Variants in MAMDC4 observed in about 807,000 individuals in gnomAD.
The protein encoded by MAMDC4 is MAM domain containing 4.
In MAMDC4, 168 loss-of-function variants were observed where a neutral mutation model predicts 153.3. That is an observed-to-expected ratio of 1.10 (90% CI 0.97 to 1.25). The LOEUF is 1.25. Among genes scored for constraint, MAMDC4 ranks in the 50% most tolerant of loss-of-function variants. The probability of loss-of-function intolerance (pLI) is 0.00; values close to 1 mark genes in which losing one functional copy is unlikely to be tolerated. For synonymous variants in MAMDC4, 744 were observed against 651.5 expected (o/e 1.14, Z -2.16); for missense variants, 1,701 against 1,542.8 (o/e 1.10, Z -1.72).
chr9:136,860,298 T>C (rs1849068922), intron 26 of MAMDC4, among the ~76,000 whole-genome samples: 2 of 152,136 alleles, frequency 1.3e-5, no homozygotes, highest in African/African-American at 2.4e-5. Context: ...GGTGGGCGGA[T>C]CACCTGAGGT....
chr9:136,857,997 T>C lies in MAMDC4; in HGVS notation c.2483T>C (p.Leu828Pro). The change falls in exon 20 of 27, where the codon CTG becomes CCG. Residue 828 changes from leucine to proline, a missense_variant. Physicochemically the swap from Leu to Pro is moderately conservative, Grantham distance 98. Coordinates refer to ENST00000317446, the MANE Select transcript of MAMDC4 (RefSeq NM_206920.3). ...LRSPGTLRVY[L>P]EERGRHQVLS... The stretch of plus-strand genomic sequence containing the variant: ...CTGGCAGGCACCCTGCGGGTCTACC[T>C]GGAGGAGCGCGGGAGGCACCAGGTG... The C allele has an allele frequency of 6.6e-7, 1 of 1,521,460 alleles. No homozygotes were observed. Among genetic ancestry groups the C allele is most frequent in the Non-Finnish European group, 8.8e-7 (1 of 1,138,554 alleles). 94.2% of individuals were successfully genotyped at this position (1,521,460 alleles called of 1,614,324 possible). A position where few individuals can be genotyped will look rare whatever the true frequency, so the allele number is the denominator to read the frequency against.
In MAMDC4 at chr9:136,856,741, CAGCTGG is replaced by C; in HGVS notation, c.1753_1758del (p.Ser585_Trp586del). 6.2e-7 allele frequency: 1 copy of C among 1,612,640 alleles called. No individual in the cohort carries two copies. Among genetic ancestry groups the C allele is most frequent in the Non-Finnish European group, 8.5e-7 (1 of 1,179,848 alleles). On this transcript the variant is annotated inframe_deletion, in exon 15 of 27. Coordinates refer to ENST00000317446, the MANE Select transcript of MAMDC4 (RefSeq NM_206920.3). ...CCTGTAACTTTGAGCGGGACACATG[CAGCTGG>C]TACCCAGGCCACCTCTCAGACACAC...
chr9:136,858,625 C>T, intron 22 of MAMDC4, 79 bp downstream of exon 22: 2 of 1,592,756 alleles, frequency 1.3e-6, no homozygotes, highest in South Asian at 1.1e-5. Flanking sequence ...AGTACATGCC[C>T]CATCCAGAGG....
Position 136,853,937 on chromosome 9 carries a change from G to T in MAMDC4, c.585+30G>T, listed in dbSNP as rs147136765. ...GCTGGGAGGGTCTGGACGAGTGGGG[G>T]CCTTGAGGAGGGGTCTGGGCCCTGA... On this transcript the variant is annotated intron_variant, in intron 5 of 26. Coordinates refer to ENST00000317446, the MANE Select transcript of MAMDC4 (RefSeq NM_206920.3). The T allele has an allele frequency of 1.2e-3, 1,958 of 1,612,750 alleles. 14 individuals carry two copies. The African/African-American group carries it at 0.023, about 19-fold the overall frequency.
At position 136,853,084 on chromosome 9, in the gene MAMDC4, C is replaced by T; in HGVS notation, c.47-18C>T. The T allele has an allele frequency of 6.2e-7, 1 of 1,609,172 alleles. No homozygotes were observed. Among genetic ancestry groups the T allele is most frequent in the Non-Finnish European group, 8.5e-7 (1 of 1,177,656 alleles). On this transcript the variant is annotated intron_variant, in intron 1 of 26. Coordinates refer to ENST00000317446, the MANE Select transcript of MAMDC4 (RefSeq NM_206920.3). ...GTCACCCTGCCCCCAGGCCACCTGG[C>T]TGTCAACCTCCCAGCAGCAGGGTCC... is the stretch of plus-strand genomic sequence containing the variant.
rs766730198 is a variant in MAMDC4 at position 136,853,963 on chromosome 9, C to T, written c.586-29C>T. The T allele has an allele frequency of 1.9e-6, 3 of 1,612,832 alleles. No homozygotes were observed. In the African/African-American group the frequency reaches 4.0e-5, roughly 22 times the overall value. On this transcript the variant is annotated intron_variant, in intron 5 of 26. Coordinates refer to ENST00000317446, the MANE Select transcript of MAMDC4 (RefSeq NM_206920.3). ...CCTTGAGGAGGGGTCTGGGCCCTGACTTAGGTCCTAAGAGCCTGTTCTCTT... is the reference window on the plus strand; with the variant it reads ...CCTTGAGGAGGGGTCTGGGCCCTGATTTAGGTCCTAAGAGCCTGTTCTCTT...
At chr9:136,860,203 T>C in intron 26 of MAMDC4, 139 bp downstream of exon 26, 1 of 1,032,748 alleles carries the variant, frequency 9.7e-7, no homozygotes, top group Non-Finnish European at 1.4e-6. Context: ...CTGCCCTGCC[T>C]CTCCCAGCCA....
chr9:136,857,412 C>G lies in MAMDC4; in HGVS notation c.2152C>G (p.Leu718Val), dbSNP rs1233695906. Residue 718 changes from leucine (L) to valine (V), a missense_variant, in exon 18 of 27, where the codon CTG becomes GTG. By Grantham distance (32) the Leu-to-Val change is conservative (BLOSUM62 1). Coordinates refer to ENST00000317446, the MANE Select transcript of MAMDC4 (RefSeq NM_206920.3). ...GGACGGATACCACGGCACCATGGCG[C>G]TGGACGATGTGGCCGTGCGGCCGGG... ...LRDGYHGTMALDDVAVRPGPC... is the reference protein window; with the variant it reads ...LRDGYHGTMAVDDVAVRPGPC... 6.2e-7 allele frequency: 1 copy of G among 1,608,298 alleles called. No individual in the cohort carries two copies. The highest frequency in any genetic ancestry group is 8.5e-7 in the Non-Finnish European group (1 of 1,179,918).
chr9:136,858,312 G>A lies in MAMDC4; in HGVS notation c.2674+36G>A, dbSNP rs752150621. On this transcript the variant is annotated intron_variant, in intron 21 of 26. Transcript: ENST00000317446. ...TGCCGTGGCCTCGGCCCTGCTCTGGGGTGCCTGCCTAGCCCTTTCCCTTCG... is the reference window on the plus strand; with the variant it reads ...TGCCGTGGCCTCGGCCCTGCTCTGGAGTGCCTGCCTAGCCCTTTCCCTTCG... The A allele has an allele frequency of 4.4e-6, 7 of 1,600,692 alleles. No homozygotes were observed. The South Asian group carries it at 6.6e-5, about 15-fold the overall frequency.
chr9:136,855,279 C>CG lies in MAMDC4; in HGVS notation c.1229dup (p.Val411ArgfsTer11), dbSNP rs1479024321. 6 of 1,602,478 alleles carry CG rather than the reference C, an allele frequency of 3.7e-6. No individual in the cohort carries two copies. The highest frequency in any genetic ancestry group is 1.1e-5 in the South Asian group (1 of 89,658). On this transcript the variant is annotated frameshift_variant, in exon 11 of 27. Transcript: ENST00000317446. LOFTEE classifies it high-confidence loss of function. Reference sequence around the variant, plus strand: ...ATCCTCCTGGCCGGGCAGACAGGCCCGGGGGGCGTCGTGGGTCTGGACGAC... The same window carrying CG: ...ATCCTCCTGGCCGGGCAGACAGGCCCGGGGGGGCGTCGTGGGTCTGGACGAC...
Position 136,855,591 on chromosome 9 carries a change from C to G in MAMDC4, c.1443C>G (p.Cys481Trp), listed in dbSNP as rs762733709. 1 of 1,586,800 alleles carries G rather than the reference C, an allele frequency of 6.3e-7. No homozygotes were observed. Among genetic ancestry groups the G allele is most frequent in the African/African-American group, 1.3e-5 (1 of 74,526 alleles). Reference sequence around the variant, plus strand: ...AACTGTGTGACTTCGAGGAGCAGTGCGCAGGGGGCGAGGACGAGCAGGCCT... The same window carrying G: ...AACTGTGTGACTTCGAGGAGCAGTGGGCAGGGGGCGAGGACGAGCAGGCCT... ...PEQLCDFEEQ[C>W]AGGEDEQACG... is the part of the protein sequence containing the mutation. Residue 481 changes from cysteine (C) to tryptophan (W), a missense_variant, in exon 12 of 27, where the codon TGC becomes TGG. Physicochemically the swap from Cys to Trp is radical, Grantham distance 215. Coordinates refer to ENST00000317446, the MANE Select transcript of MAMDC4 (RefSeq NM_206920.3).
chr9:136,860,452 C>A, intron 26 of MAMDC4, 110 bp from the exon 27 acceptor site: 1 of 1,153,736 alleles, frequency 8.7e-7, no homozygotes, highest in Admixed American at 2.1e-5. Flanking sequence ...ACCAGGGAGG[C>A]AGGGGTTGCA....
Position 136,857,385 on chromosome 9 carries a change from C to A in MAMDC4, c.2125C>A (p.Arg709=), listed in dbSNP as rs768466114. 5 of 1,608,152 alleles carry A rather than the reference C, an allele frequency of 3.1e-6. No individual in the cohort carries two copies. The highest frequency in any genetic ancestry group is 1.1e-5 in the South Asian group (1 of 91,068). ...AQYQLLFEGL[R]DGYHGTMALD... ...CCCCCAGCTGCTGTTCGAGGGCCTC[C>A]GGGACGGATACCACGGCACCATGGC... The change falls in exon 18 of 27, where the codon CGG becomes AGG. Residue 709 remains arginine, a synonymous_variant. Coordinates refer to ENST00000317446, the MANE Select transcript of MAMDC4 (RefSeq NM_206920.3).
Position 136,858,284 on chromosome 9 carries a change from C to G in MAMDC4, c.2674+8C>G. 6.2e-7 allele frequency: 1 copy of G among 1,601,310 alleles called. No homozygotes were observed. The highest frequency in any genetic ancestry group is 8.5e-7 in the Non-Finnish European group (1 of 1,179,292). On this transcript the variant is annotated splice_region_variant and intron_variant, in intron 21 of 26. Coordinates refer to ENST00000317446, the MANE Select transcript of MAMDC4 (RefSeq NM_206920.3). ...GGCCCTGCCCTCAGCCAGGTGGGAG[C>G]CCTGCCGTGGCCTCGGCCCTGCTCT...
In MAMDC4 at chr9:136,855,948, T is replaced by C. The variant is rs552651944; in HGVS notation, c.1589-70T>C. The C allele has an allele frequency of 2.8e-5, 44 of 1,555,866 alleles. No homozygotes were observed. In the Admixed American group the frequency reaches 7.1e-4, roughly 25 times the overall value. The stretch of plus-strand genomic sequence containing the variant: ...TCTGCACTACAGAGGGTCTCTGGAC[T>C]GGGGATCCCTGAGGGACAGAGTGGG... On this transcript the variant is annotated intron_variant, in intron 13 of 26. Transcript: ENST00000317446.
chr9:136,856,429 C>T (rs765438819), intron 14 of MAMDC4: 8 of 787,410 alleles, frequency 1.0e-5, no homozygotes, highest in East Asian at 2.4e-5. Flanking sequence ...CGGGCCCTGA[C>T]TTAACCATCC....
At chr9:136,852,501 G>T (rs757641998) in intron 1 of MAMDC4, 39 bp downstream of exon 1, 42 of 1,602,452 alleles carry the variant, frequency 2.6e-5, no homozygotes, top group Admixed American at 6.7e-5. Context: ...AGGACCAGGG[G>T]CCCTGGCTTC....
At chr9:136,858,908 G>T in intron 23 of MAMDC4, 55 bp downstream of exon 23, 1 of 1,568,112 alleles carries the variant, frequency 6.4e-7, no homozygotes, top group South Asian at 1.2e-5. Context: ...AGGGGTCCAG[G>T]AGCAGAGGTG....
Position 136,858,097 on chromosome 9 carries a change from G to A in MAMDC4, c.2583G>A (p.Arg861=), listed in dbSNP as rs749917096. 5.9e-5 allele frequency: 91 copies of A among 1,533,004 alleles called. No homozygotes were observed. Among genetic ancestry groups the A allele is most frequent in the Admixed American group, 2.2e-4 (11 of 50,748 alleles). 95.0% of individuals were successfully genotyped at this position (1,533,004 alleles called of 1,614,324 possible). A position where few individuals can be genotyped will look rare whatever the true frequency, so the allele number is the denominator to read the frequency against. The change falls in exon 20 of 27, where the codon AGG becomes AGA. Residue 861 remains arginine, a splice_region_variant and synonymous_variant. Transcript: ENST00000317446. ...SMDVQAERAW[R]VVFEAVAAGV... ...ACGTGCAGGCCGAGCGAGCCTGGAG[G>A]GTGAGTGCAGGGTGGGGTGCCCCTC...
Sources: allele counts gnomAD v4.1 joint callset (sites outside exome capture counted in the v4.1 genomes callset), GRCh38; gene constraint gnomAD v4.1.1; transcripts MANE v1.5; gene names NCBI Gene and HGNC (gene_info 2026-07-23, HGNC 2026-07-21).